Variants in ENAM observed in about 807,000 individuals in gnomAD.
ENAM encodes amelogenesis imperfecta 2, hypocalcification (autosomal dominant).
Under a neutral mutation model 33.6 loss-of-function variants are expected in ENAM, and 21 were observed. The observed-to-expected ratio is 0.63, with a 90% CI of 0.44 to 0.90. The LOEUF is 0.90. Among genes scored for constraint, ENAM ranks in the 40% least tolerant of loss-of-function variants. ENAM has a pLI of 0.00. For missense variants in ENAM, 1,388 were observed against 1,366.9 expected (o/e 1.02, Z -0.24); for synonymous variants, 473 against 468.4 (o/e 1.01, Z -0.13).
intron 6 of ENAM, 99 bp from the exon 7 acceptor site, chr4:70,635,733 T>C: frequency 2.6e-6 from 2 of 781,846 alleles, no homozygotes; most frequent in Non-Finnish European, 2.3e-6. Context: ...CAAAGGGAGA[T>C]GTAGACTCCC....
rs1738693598 is a variant in ENAM, at chr4:70,644,184, A to G, written c.2758A>G (p.Arg920Gly). ...AGACGGTAGTCATACCAAGCAGACA[A>G]GAGATATCATCTCCCCAACAAGCAT... ...YTDGSHTKQTRDIISPTSILP... is the reference protein window; with the variant it reads ...YTDGSHTKQTGDIISPTSILP... The change falls in exon 9 of 9, where the codon AGA becomes GGA. Residue 920 changes from arginine (R) to glycine (G), a missense_variant. Physicochemically the swap from Arg to Gly is moderately radical, Grantham distance 125. Coordinates refer to ENST00000396073, the MANE Select transcript of ENAM (RefSeq NM_031889.3). 6.2e-7 allele frequency: 1 copy of G among 1,614,174 alleles called. No homozygotes were observed. Among genetic ancestry groups the G allele is most frequent in the Non-Finnish European group, 8.5e-7 (1 of 1,180,018 alleles).
chr4:70,643,369 T>G lies in ENAM; in HGVS notation c.1943T>G (p.Ile648Arg). ...ATAAATACCCCAGACCAGAAGGAGA[T>G]AGTCCCTTATAATGAAGAGGACCCA... Reference protein sequence around the residue: ...YPINTPDQKEIVPYNEEDPVD... With the variant: ...YPINTPDQKERVPYNEEDPVD... Residue 648 changes from isoleucine to arginine, a missense_variant, in exon 9 of 9, where the codon ATA becomes AGA. By Grantham distance (97) the Ile-to-Arg change is moderately conservative. Coordinates refer to ENST00000396073, the MANE Select transcript of ENAM (RefSeq NM_031889.3). 6.2e-7 allele frequency: 1 copy of G among 1,613,864 alleles called. No individual in the cohort carries two copies. The highest frequency in any genetic ancestry group is 8.5e-7 in the Non-Finnish European group (1 of 1,179,954).
At chr4:70,637,365 T>A (rs1263671463) in intron 7 of ENAM, among the ~76,000 whole-genome samples, 1 of 152,168 alleles carries the variant, frequency 6.6e-6, no homozygotes, top group Non-Finnish European at 1.5e-5. Flanking sequence ...ATAACATCGT[T>A]ACTTAATCTC....
intron 7 of ENAM, among the ~76,000 whole-genome samples, chr4:70,636,544 G>T (rs1168407810): frequency 6.6e-6 from 1 of 151,924 alleles, no homozygotes; most frequent in Non-Finnish European, 1.5e-5. Flanking sequence ...CGAGGCAGGC[G>T]GATCACCTGA....
Position 70,643,195 on chromosome 4 carries a change from C to A in ENAM, c.1769C>A (p.Pro590His). 1 of 1,613,770 alleles carries A rather than the reference C, an allele frequency of 6.2e-7. No individual in the cohort carries two copies. The highest frequency in any genetic ancestry group is 8.5e-7 in the Non-Finnish European group (1 of 1,179,916). ...PGRQEEHLPH[P>H]SHGSRGSVFY... is the part of the protein sequence containing the mutation. The stretch of plus-strand genomic sequence containing the variant: ...AGGCAAGAAGAACATTTACCCCATC[C>A]TTCCCATGGTTCTAGAGGAAGTGTT... The change falls in exon 9 of 9, where the codon CCT (proline) becomes CAT (histidine). Residue 590 changes from proline to histidine, a missense_variant. Physicochemically the swap from Pro to His is moderately conservative, Grantham distance 77 (BLOSUM62 -2). Coordinates refer to ENST00000396073, the MANE Select transcript of ENAM (RefSeq NM_031889.3).
At chr4:70,637,717 CCT>C (rs1422622510) in intron 7 of ENAM, 71 bp from the exon 8 acceptor site, 1 of 1,139,804 alleles carries the variant, frequency 8.8e-7, no homozygotes, top group East Asian at 2.3e-5. Flanking sequence ...TTTTAGACAC[CCT>C]GAGTCTTACA....
chr4:70,635,977 T>C (rs1461045386), intron 7 of ENAM, 83 bp downstream of exon 7: 2 of 738,182 alleles, frequency 2.7e-6, no homozygotes, highest in African/African-American at 1.8e-5. Context: ...ATTCATACAT[T>C]CTAATGGAAT....
intron 8 of ENAM, among the ~76,000 whole-genome samples, chr4:70,640,001 A>G (rs897015200): frequency 5.9e-5 from 9 of 152,246 alleles, no homozygotes; most frequent in Non-Finnish European, 1.0e-4. Flanking sequence ...AATGGGGATT[A>G]AAATACTTTT....
rs779625139 is a variant in ENAM, at chr4:70,643,976, C to T, written c.2550C>T (p.Asn850=). 10 of 1,614,082 alleles carry T rather than the reference C, an allele frequency of 6.2e-6. No individual in the cohort carries two copies. In the African/African-American group the frequency reaches 1.2e-4, roughly 19 times the overall value. Reference sequence around the variant, plus strand: ...AGAGAGAACATTCATCTTTCCCTAACTTCATCCCACCAAGTTACCCATCAG... The same window carrying T: ...AGAGAGAACATTCATCTTTCCCTAATTTCATCCCACCAAGTTACCCATCAG... ...SPEREHSSFP[N]FIPPSYPSGQ... is the part of the protein sequence containing the mutation. Residue 850 remains asparagine (N), a synonymous_variant, in exon 9 of 9, where the codon AAC becomes AAT. Coordinates refer to ENST00000396073, the MANE Select transcript of ENAM (RefSeq NM_031889.3).
Position 70,644,708 on chromosome 4 carries a change from C to A in ENAM, c.3282C>A (p.Asn1094Lys), listed in dbSNP as rs1440739427. 1 of 1,614,072 alleles carries A rather than the reference C, an allele frequency of 6.2e-7. No individual in the cohort carries two copies. Among genetic ancestry groups the A allele is most frequent in the African/African-American group, 1.3e-5 (1 of 74,934 alleles). Residue 1094 changes from asparagine (N) to lysine (K), a missense_variant, in exon 9 of 9, where the codon AAC (asparagine) becomes AAA (lysine). Physicochemically the swap from Asn to Lys is moderately conservative, Grantham distance 94 (BLOSUM62 0). Coordinates refer to ENST00000396073, the MANE Select transcript of ENAM (RefSeq NM_031889.3). The stretch of plus-strand genomic sequence containing the variant: ...CAATTACGCCTACTGAAAATCCTAA[C>A]ACATTGGTTGAGTTAGCTACTGAGG... ...GDSITPTENP[N>K]TLVELATEEQ...
At position 70,629,559 on chromosome 4, in the gene ENAM, G is replaced by C; in HGVS notation, c.54+5G>C. On this transcript the variant is annotated splice_donor_5th_base_variant and intron_variant, in intron 2 of 8. Transcript: ENST00000396073. ...TTTCCTAAACTAGATAACTTGGTGA[G>C]TACTTTCATTTATTTTTGCCAATAC... is the stretch of plus-strand genomic sequence containing the variant. The C allele has an allele frequency of 1.9e-6, 3 of 1,608,510 alleles. No individual in the cohort carries two copies. Among genetic ancestry groups the C allele is most frequent in the Non-Finnish European group, 2.6e-6 (3 of 1,175,092 alleles).
Position 70,644,733 on chromosome 4 carries a change from G to C in ENAM, c.3307G>C (p.Glu1103Gln). ...CACATTGGTTGAGTTAGCTACTGAG[G>C]AACAATTTAAGAGTATAAATGTAGA... ...PNTLVELATE[E>Q]QFKSINVDPL... The change falls in exon 9 of 9, where the codon GAA becomes CAA. Residue 1103 changes from glutamate (E) to glutamine (Q), a missense_variant. Glu to Gln is a conservative substitution (Grantham distance 29). Coordinates refer to ENST00000396073, the MANE Select transcript of ENAM (RefSeq NM_031889.3). 1 of 1,614,022 alleles carries C rather than the reference G, an allele frequency of 6.2e-7. No homozygotes were observed. Among genetic ancestry groups the C allele is most frequent in the Non-Finnish European group, 8.5e-7 (1 of 1,179,942 alleles).
chr4:70,632,043 T>C, intron 4 of ENAM, 150 bp downstream of exon 4: 4 of 767,588 alleles, frequency 5.2e-6, no homozygotes, highest in Middle Eastern at 3.7e-4. Context: ...AACTCTCAAA[T>C]CGAGGCAAAG....
At chr4:70,630,820 C>A (rs370921565) in intron 2 of ENAM, among the ~76,000 whole-genome samples, 1 of 151,796 alleles carries the variant, frequency 6.6e-6, no homozygotes, top group Admixed American at 6.6e-5. Flanking sequence ...TGGCTCACTG[C>A]AACCTCCTCC....
rs757692133 is a variant in ENAM, at chr4:70,635,940, A to G, written c.534+46A>G. The G allele has an allele frequency of 7.1e-6, 7 of 987,850 alleles. No individual in the cohort carries two copies. In the Admixed American group the frequency reaches 1.3e-4, roughly 18 times the overall value. 61.2% of individuals were successfully genotyped at this position (987,850 alleles called of 1,614,324 possible). ...TACACTGTAAGTGAAAAATAATATT[A>G]GTATGTTATAATTTAAATTAATATA... On this transcript the variant is annotated intron_variant, in intron 7 of 8. Coordinates refer to ENST00000396073, the MANE Select transcript of ENAM (RefSeq NM_031889.3).
In ENAM at chr4:70,629,484, A is replaced by G. The variant is rs1192497076; in HGVS notation, c.-17A>G. 6.2e-7 allele frequency: 1 copy of G among 1,609,874 alleles called. No individual in the cohort carries two copies. Among genetic ancestry groups the G allele is most frequent in the African/African-American group, 1.3e-5 (1 of 74,956 alleles). ...CTGTATTTTTCTTAAAGGCTTATAA[A>G]AATTTTGCTGAAAAAAATGTTGGTG... On this transcript the variant is annotated 5_prime_UTR_variant, in exon 2 of 9. Transcript: ENST00000396073.
Position 70,634,372 on chromosome 4 carries a change from C to T in ENAM, c.275C>T (p.Pro92Leu), listed in dbSNP as rs1170050226. 1 of 1,613,886 alleles carries T rather than the reference C, an allele frequency of 6.2e-7. No individual in the cohort carries two copies. The highest frequency in any genetic ancestry group is 1.3e-5 in the African/African-American group (1 of 74,900). Residue 92 changes from proline to leucine, a missense_variant, in exon 6 of 9, where the codon CCC becomes CTC. Pro to Leu is a moderately conservative substitution (Grantham distance 98, BLOSUM62 -3). Coordinates refer to ENST00000396073, the MANE Select transcript of ENAM (RefSeq NM_031889.3). ...LPQQFPQYQM[P>L]MWPQPPPNTW... ...CAGCAATTTCCACAGTACCAGATGC[C>T]CATGTGGCCTCAGCCACCACCCAAC...
At chr4:70,632,520 TA>T in intron 4 of ENAM, 130 bp from the exon 5 acceptor site, 1 of 779,166 alleles carries the variant, frequency 1.3e-6, no homozygotes, top group Non-Finnish European at 2.4e-6. Flanking sequence ...TGTTGTGCAT[TA>T]AAATCAGAAA....
intron 8 of ENAM, 145 bp downstream of exon 8, chr4:70,637,988 A>C: frequency 1.5e-6 from 1 of 682,068 alleles, no homozygotes; most frequent in East Asian, 2.6e-5. Context: ...TAAAAAAGTT[A>C]AACAAATCAA....
Sources: gnomAD v4.1 joint callset for allele counts (sites outside exome capture counted in the v4.1 genomes callset) on GRCh38, gnomAD v4.1.1 for gene constraint, MANE v1.5 for transcripts, NCBI Gene and HGNC (gene_info 2026-07-23, HGNC 2026-07-21) for gene names.